Variants in GCN1 observed in about 807,000 individuals in gnomAD.
The protein encoded by GCN1 is stalled ribosome sensor GCN1.
GCN1 carries 90 observed loss-of-function variants against 288.4 expected under a neutral mutation model. The observed-to-expected ratio is 0.31, with a 90% CI of 0.26 to 0.37. The LOEUF is 0.37. GCN1 is among the 10% of genes least tolerant of loss of function. GCN1 has a pLI of 1.00. For synonymous variants in GCN1, 1,386 were observed against 1,420.2 expected (o/e 0.98, Z 0.54); for missense variants, 2,586 against 3,419.9 (o/e 0.76, Z 6.08).
At chr12:120,162,621 C>T (rs1566310138) in intron 20 of GCN1, among the ~76,000 whole-genome samples, 1 of 152,212 alleles carries the variant, frequency 6.6e-6, no homozygotes, top group Admixed American at 6.5e-5. Flanking sequence ...CCAAGGGCAA[C>T]ATGTGAACCC....
chr12:120,158,359 TC>T lies in GCN1; in HGVS notation c.2905+100del. 1 of 993,206 alleles carries T rather than the reference TC, an allele frequency of 1.0e-6. No individual in the cohort carries two copies. Among genetic ancestry groups the T allele is most frequent in the Non-Finnish European group, 1.5e-6 (1 of 687,336 alleles). The allele number at this position is 993,206 out of a possible 1,614,324, so 61.5% of individuals were successfully genotyped here. On this transcript the variant is annotated intron_variant, in intron 25 of 57. Coordinates refer to ENST00000300648, the MANE Select transcript of GCN1 (RefSeq NM_006836.2). The surrounding 1 kb of genome is among the most constrained non-coding windows in gnomAD (Gnocchi z 4.3). ...TTCAGAAATCCTCCATATGGTCCAA[TC>T]CCCCAGGCTCAGGAGGCCCTGGGTG...
rs771917476 is a variant in GCN1, at chr12:120,155,589, C to T, written c.3440+3G>A. 6.8e-6 allele frequency: 11 copies of T among 1,613,968 alleles called. No individual in the cohort carries two copies. The highest frequency in any genetic ancestry group is 2.2e-5 in the South Asian group (2 of 91,072). On this transcript the variant is annotated splice_donor_region_variant and intron_variant, in intron 29 of 57. Coordinates refer to ENST00000300648, the MANE Select transcript of GCN1 (RefSeq NM_006836.2). This position sits in a 1 kb window ranked among gnomAD's most constrained non-coding sequence, Gnocchi z 4.9. ...GGAGAAAGCGACATGCTGGCTCTCTCACCTCTCAGCCAGCTTCCGGATCTC... is the reference window on the plus strand; with the variant it reads ...GGAGAAAGCGACATGCTGGCTCTCTTACCTCTCAGCCAGCTTCCGGATCTC...
At chr12:120,192,676 G>A (rs1879041543) in intron 1 of GCN1, among the ~76,000 whole-genome samples, 1 of 150,924 alleles carries the variant, frequency 6.6e-6, no homozygotes, top group East Asian at 1.9e-4. Context: ...AGGTTGTAGT[G>A]AGCCAAGATT....
Position 120,153,747 on chromosome 12 carries a change from C to T in GCN1, c.3864G>A (p.Gly1288=). 1 of 1,613,802 alleles carries T rather than the reference C, an allele frequency of 6.2e-7. No homozygotes were observed. Among genetic ancestry groups the T allele is most frequent in the Non-Finnish European group, 8.5e-7 (1 of 1,179,770 alleles). Residue 1288 remains glycine, a synonymous_variant, in exon 32 of 58, where the codon GGG becomes GGA. Coordinates refer to ENST00000300648, the MANE Select transcript of GCN1 (RefSeq NM_006836.2). The surrounding 1 kb of genome is among the most constrained non-coding windows in gnomAD (Gnocchi z 4.4). ...DAALATLNTH[G]KENVNSLLPV... ...TCCCTGGCTGGGACCCCCTTACCTT[C>T]CCATGAGTGTTGAGCGTTGCGAGGG...
chr12:120,181,231 C>T (rs368679077), intron 5 of GCN1, among the ~76,000 whole-genome samples: 17 of 151,884 alleles, frequency 1.1e-4, no homozygotes, highest in East Asian at 7.7e-4. Context: ...TTTGGAAGAC[C>T]GCAGCAGGTG....
chr12:120,163,027 C>T (rs1877980749), intron 19 of GCN1, 43 bp downstream of exon 19: 4 of 1,613,196 alleles, frequency 2.5e-6, no homozygotes, highest in African/African-American at 1.3e-5. Context: ...TTACCCCATC[C>T]CCTAAAGCTC....
Position 120,149,988 on chromosome 12 carries a change from C to A in GCN1, c.4365G>T (p.Pro1455=). The change falls in exon 35 of 58, where the codon CCG becomes CCT. Residue 1455 remains proline, a synonymous_variant. Coordinates refer to ENST00000300648, the MANE Select transcript of GCN1 (RefSeq NM_006836.2). ...LCTMLGKLFE[P]YVVHVLPHLL... is the part of the protein sequence containing the mutation. ...GATGGGGCAGCACGTGAACCACATA[C>A]GGCTCAAAAAGTTTCCCCAGCATGG... The A allele has an allele frequency of 1.2e-6, 2 of 1,613,984 alleles. No homozygotes were observed. Among genetic ancestry groups the A allele is most frequent in the Non-Finnish European group, 1.7e-6 (2 of 1,179,882 alleles).
intron 1 of GCN1, among the ~76,000 whole-genome samples, chr12:120,191,074 G>A (rs564064256): frequency 1.1e-4 from 16 of 152,294 alleles, no homozygotes; most frequent in African/African-American, 3.6e-4. Context: ...GCTTAAATGA[G>A]ATTGCGTATA....
chr12:120,187,073 C>T (rs1425652686), intron 2 of GCN1, among the ~76,000 whole-genome samples: 1 of 152,144 alleles, frequency 6.6e-6, no homozygotes, highest in African/African-American at 2.4e-5. Context: ...GAGACGCTCA[C>T]AAATAGCAAG....
chr12:120,128,095 G>T, intron 57 of GCN1, 121 bp from the exon 58 acceptor site: 2 of 945,108 alleles, frequency 2.1e-6, no homozygotes, highest in Non-Finnish European at 3.3e-6. Context: ...GTGGACTCTG[G>T]CAAAATAAGG....
Position 120,156,935 on chromosome 12 carries a change from C to T in GCN1, c.3145G>A (p.Gly1049Arg), listed in dbSNP as rs773384486. The T allele has an allele frequency of 1.6e-5, 26 of 1,612,496 alleles. No individual in the cohort carries two copies. The highest frequency in any genetic ancestry group is 2.1e-5 in the Non-Finnish European group (25 of 1,178,710). Residue 1049 changes from glycine (G) to arginine (R), a missense_variant, in exon 27 of 58, where the codon GGG becomes AGG. By Grantham distance (125) the Gly-to-Arg change is moderately radical (BLOSUM62 -2). This residue lies in a region of GCN1 where 153 missense variants were observed against 252.0 expected (regional missense o/e 0.61). Transcript: ENST00000300648. This position sits in a 1 kb window ranked among gnomAD's most constrained non-coding sequence, Gnocchi z 5.8. ...AMLRLLTWVI[G>R]TGSPRLQVLA... is the part of the protein sequence containing the mutation. ...ACCTGTAAGCGAGGCGAGCCCGTCC[C>T]GATCACCCAAGTCAGAAGACGCAGC...
chr12:120,187,468 G>A (rs768136000), intron 2 of GCN1, among the ~76,000 whole-genome samples: 24 of 152,028 alleles, frequency 1.6e-4, no homozygotes, highest in South Asian at 6.2e-4. Context: ...CATCCTCCTC[G>A]GCCTCCTAAA....
chr12:120,157,016 C>G, intron 26 of GCN1, 24 bp from the exon 27 acceptor site: 1 of 1,553,262 alleles, frequency 6.4e-7, no homozygotes, highest in Admixed American at 1.7e-5. Flanking sequence ...GCAGGTAAGT[C>G]GAGATGAGGC....
Position 120,163,089 on chromosome 12 carries a change from G to T in GCN1, c.2019C>A (p.Ile673=). The T allele has an allele frequency of 6.2e-7, 1 of 1,614,226 alleles. No homozygotes were observed. Among genetic ancestry groups the T allele is most frequent in the East Asian group, 2.2e-5 (1 of 44,888 alleles). ...ACGGACCTAAGGATGGGTGGTGGGA[G>T]ATGATCAGCATTTCCTGGGCCAGTT... is the stretch of plus-strand genomic sequence containing the variant. ...TEQLAQEMLI[I]SHHPSLVAVQ... is the part of the protein sequence containing the mutation. The change falls in exon 19 of 58, where the codon ATC becomes ATA. Residue 673 remains isoleucine (I), a synonymous_variant. Coordinates refer to ENST00000300648, the MANE Select transcript of GCN1 (RefSeq NM_006836.2).
intron 53 of GCN1, among the ~76,000 whole-genome samples, chr12:120,133,591 A>G (rs1876900998): frequency 6.6e-6 from 1 of 152,180 alleles, no homozygotes; most frequent in South Asian, 2.1e-4. Flanking sequence ...TGTGACCACG[A>G]GGTCTATGCA....
intron 15 of GCN1, chr12:120,168,535 C>T (rs964438492): frequency 2.0e-5 from 9 of 439,508 alleles, no homozygotes; most frequent in Middle Eastern, 1.3e-3. Flanking sequence ...GCTTCTCATC[C>T]GGAATTCCCA....
intron 1 of GCN1, among the ~76,000 whole-genome samples, chr12:120,193,359 G>A (rs917809178): frequency 1.9e-4 from 29 of 151,918 alleles, no homozygotes; most frequent in African/African-American, 6.0e-4. Flanking sequence ...AGGCTGGAGC[G>A]CAGTGGTGCG....
chr12:120,170,810 G>A (rs750798960), intron 14 of GCN1, among the ~76,000 whole-genome samples: 1 of 151,706 alleles, frequency 6.6e-6, no homozygotes, highest in Non-Finnish European at 1.5e-5. Flanking sequence ...GATGACCTTC[G>A]GACCCAAATT....
chr12:120,133,499 T>A (rs1255598984), intron 53 of GCN1, among the ~76,000 whole-genome samples: 1 of 152,004 alleles, frequency 6.6e-6, no homozygotes, highest in Admixed American at 6.6e-5. Context: ...AGTCTCACCC[T>A]CGAAAATAGA....
Sources: allele counts gnomAD v4.1 joint callset (sites outside exome capture counted in the v4.1 genomes callset), GRCh38; gene constraint gnomAD v4.1.1; regional missense constraint gnomAD v4.1.1; non-coding constraint Gnocchi (gnomAD v3.1); transcripts MANE v1.5; gene names NCBI Gene and HGNC (gene_info 2026-07-23, HGNC 2026-07-21).